VPS37B: variants seen among roughly 807,000 people sequenced by gnomAD.
VPS37B encodes VPS37B subunit of ESCRT-I.
VPS37B carries 11 observed loss-of-function variants against 21.2 expected under a neutral mutation model. That is an observed-to-expected ratio of 0.52 (90% confidence interval 0.33 to 0.86). The LOEUF is 0.86. Among genes scored for constraint, VPS37B ranks in the 40% least tolerant of loss-of-function variants. The pLI is 0.03. For synonymous variants in VPS37B, 175 were observed against 159.6 expected (o/e 1.10, Z -0.73); for missense variants, 389 against 374.8 (o/e 1.04, Z -0.31).
intron 1 of VPS37B, chr12:122,872,094 C>A (rs1368370386): frequency 1.0e-6 from 1 of 985,284 alleles, no homozygotes; most frequent in Non-Finnish European, 1.2e-6. Context: ...ATTTTTGCTG[C>A]GACTTCCTTC....
chr12:122,868,641 T>G lies in VPS37B; in HGVS notation c.284-79A>C. On this transcript the variant is annotated intron_variant, in intron 2 of 3. Coordinates refer to ENST00000267202, the MANE Select transcript of VPS37B (RefSeq NM_024667.3). This position sits in a 1 kb window ranked among gnomAD's most constrained non-coding sequence, Gnocchi z 5.5. ...TTCATGATGCCAACCACGGCAGGATTGCACCTTCCTTTCCAGGAAGCTGAA... is the reference window on the plus strand; with the variant it reads ...TTCATGATGCCAACCACGGCAGGATGGCACCTTCCTTTCCAGGAAGCTGAA... 8.1e-7 allele frequency: 1 copy of G among 1,228,904 alleles called. No homozygotes were observed. Among genetic ancestry groups the G allele is most frequent in the Non-Finnish European group, 1.2e-6 (1 of 856,206 alleles). The allele number at this position is 1,228,904 out of a possible 1,614,324, so 76.1% of individuals were successfully genotyped here.
chr12:122,866,340 T>TA lies in VPS37B; in HGVS notation c.*775dup, dbSNP rs2033899659. 6.6e-6 allele frequency: 1 copy of TA among 152,606 alleles called. No homozygotes were observed. The highest frequency in any genetic ancestry group is 2.1e-4 in the South Asian group (1 of 4,838). 9.5% of individuals were successfully genotyped at this position (152,606 alleles called of 1,614,324 possible). A position where few individuals can be genotyped will look rare whatever the true frequency, so the allele number is the denominator to read the frequency against. ...GAGTGTCAAAAAAGTTTTTTCAATA[T>TA]AAAACAGGAAAATCACACACGTAGT... On this transcript the variant is annotated 3_prime_UTR_variant, in exon 4 of 4. Transcript: ENST00000267202.
intron 1 of VPS37B, chr12:122,885,614 C>A (rs2034309275): frequency 6.6e-6 from 1 of 150,690 alleles, no homozygotes; most frequent in South Asian, 2.1e-4. Flanking sequence ...TGTGATTACA[C>A]TTTTCTTCTT....
At chr12:122,884,797 T>C (rs1272271864) in intron 1 of VPS37B, 2 of 152,148 alleles carry the variant, frequency 1.3e-5, no homozygotes, top group Non-Finnish European at 2.9e-5. Context: ...GTTTGTTTTT[T>C]CCCCCTCATC....
chr12:122,880,817 C>T (rs2034237428), intron 1 of VPS37B: 1 of 152,230 alleles, frequency 6.6e-6, no homozygotes, highest in South Asian at 2.1e-4. Flanking sequence ...ACAAGAAATA[C>T]TTGGGAAGCA....
Position 122,867,987 on chromosome 12 carries a change from A to G in VPS37B, c.367-380T>C, listed in dbSNP as rs2033943767. 6.6e-6 allele frequency among the ~76,000 whole-genome samples: 1 copy of G among 152,204 alleles called. No homozygotes were observed. The highest frequency in any genetic ancestry group is 6.5e-5 in the Admixed American group (1 of 15,292). ...CTCGCCCTGGGTGGGTAAGCAAGACAGAAACACCTGTGCCCCCAGGGCTTC... is the reference window on the plus strand; with the variant it reads ...CTCGCCCTGGGTGGGTAAGCAAGACGGAAACACCTGTGCCCCCAGGGCTTC... On this transcript the variant is annotated intron_variant, in intron 3 of 3. Transcript: ENST00000267202. The surrounding 1 kb of genome is among the most constrained non-coding windows in gnomAD (Gnocchi z 5.5).
intron 1 of VPS37B, chr12:122,877,568 C>T (rs552304492): frequency 6.6e-6 from 1 of 152,282 alleles, no homozygotes; most frequent in African/African-American, 2.4e-5. Context: ...TCTTGTTAAA[C>T]AAGCATTAGG....
At position 122,868,698 on chromosome 12, in the gene VPS37B, A is replaced by C; in HGVS notation, c.284-136T>G. The C allele has an allele frequency of 1.3e-6, 1 of 749,784 alleles. No individual in the cohort carries two copies. The highest frequency in any genetic ancestry group is 2.6e-4 in the Middle Eastern group (1 of 3,832). 46.4% of individuals were successfully genotyped at this position (749,784 alleles called of 1,614,324 possible). A position where few individuals can be genotyped will look rare whatever the true frequency, so the allele number is the denominator to read the frequency against. ...AGGCTTGAAAACCTACAGGGGAACAAGTGCACCAAGCCAGTGCCCAGGGGC... is the reference window on the plus strand; with the variant it reads ...AGGCTTGAAAACCTACAGGGGAACACGTGCACCAAGCCAGTGCCCAGGGGC... On this transcript the variant is annotated intron_variant, in intron 2 of 3. Transcript: ENST00000267202. This position sits in a 1 kb window ranked among gnomAD's most constrained non-coding sequence, Gnocchi z 5.5.
chr12:122,881,515 G>C (rs1034925661), intron 1 of VPS37B: 1 of 152,268 alleles, frequency 6.6e-6, no homozygotes, highest in African/African-American at 2.4e-5. Context: ...CAGGCAGGCA[G>C]ATTGTTTAAG....
chr12:122,868,428 C>G lies in VPS37B; in HGVS notation c.366+52G>C. The stretch of plus-strand genomic sequence containing the variant: ...TCACGGTCCCTGGAGGCAGCGGGCC[C>G]ACGGACTGCCCAAAGCGCCCCAAGG... On this transcript the variant is annotated intron_variant, in intron 3 of 3. Transcript: ENST00000267202. The surrounding 1 kb of genome is among the most constrained non-coding windows in gnomAD (Gnocchi z 5.5). 1 of 1,558,084 alleles carries G rather than the reference C, an allele frequency of 6.4e-7. No homozygotes were observed. The highest frequency in any genetic ancestry group is 8.8e-7 in the Non-Finnish European group (1 of 1,139,724).
intron 2 of VPS37B, 39 bp downstream of exon 2, chr12:122,870,851 C>T (rs767353144): frequency 1.3e-6 from 2 of 1,579,864 alleles, no homozygotes; most frequent in East Asian, 2.3e-5. Context: ...GTCCTTCTCT[C>T]AACTCTTTAT....
At chr12:122,884,366 C>T (rs1414323995) in intron 1 of VPS37B, 2 of 152,206 alleles carry the variant, frequency 1.3e-5, no homozygotes, top group African/African-American at 4.8e-5. Flanking sequence ...AGACCTAATT[C>T]ACCACCAAGT....
At chr12:122,869,487 T>C (rs1251187793) in intron 2 of VPS37B, among the ~76,000 whole-genome samples, 1 of 152,236 alleles carries the variant, frequency 6.6e-6, no homozygotes, top group African/African-American at 2.4e-5. Flanking sequence ...TGCCAGTCTT[T>C]TTACTTTTCG....
chr12:122,866,992 A>T lies in VPS37B; in HGVS notation c.*124T>A. 1 of 1,270,804 alleles carries T rather than the reference A, an allele frequency of 7.9e-7. No individual in the cohort carries two copies. The highest frequency in any genetic ancestry group is 1.5e-5 in the African/African-American group (1 of 66,106). 78.7% of individuals were successfully genotyped at this position (1,270,804 alleles called of 1,614,324 possible). On this transcript the variant is annotated 3_prime_UTR_variant, in exon 4 of 4. Coordinates refer to ENST00000267202, the MANE Select transcript of VPS37B (RefSeq NM_024667.3). ...ACCACTGACCTACAGTTCTAAAATC[A>T]GACAGACACGCTGGCCCAGGGCCCC...
At chr12:122,892,879 G>A (rs2034436974) in intron 1 of VPS37B, among the ~76,000 whole-genome samples, 1 of 152,188 alleles carries the variant, frequency 6.6e-6, no homozygotes, top group South Asian at 2.1e-4. Flanking sequence ...TGGCCAACAT[G>A]CTGAAACTCC....
intron 1 of VPS37B, chr12:122,871,526 G>T: frequency 2.0e-6 from 2 of 986,322 alleles, no homozygotes; most frequent in Non-Finnish European, 2.4e-6. Context: ...AGGCTAAGAG[G>T]TCCAACCAGC....
intron 1 of VPS37B, chr12:122,871,985 C>T (rs1003442821): frequency 1.8e-5 from 18 of 985,456 alleles, no homozygotes; most frequent in Non-Finnish European, 2.2e-5. Context: ...CGATTCCTTA[C>T]CCAGCGTGTG....
chr12:122,895,854 C>A lies in VPS37B; in HGVS notation c.111+98G>T, dbSNP rs1164796698. ...TTCTAGCCCAGTCCCCTCAACACGA[C>A]CGGAGGCGCCGCGGTCGCCTCCGCC... On this transcript the variant is annotated intron_variant, in intron 1 of 3. Transcript: ENST00000267202. 5.4e-6 allele frequency: 6 copies of A among 1,110,834 alleles called. No individual in the cohort carries two copies. The East Asian group carries it at 1.3e-4, about 23-fold the overall frequency. The allele number at this position is 1,110,834 out of a possible 1,614,324, so 68.8% of individuals were successfully genotyped here.
At chr12:122,873,495 T>C (rs2034077870) in intron 1 of VPS37B, 1 of 152,146 alleles carries the variant, frequency 6.6e-6, no homozygotes, top group African/African-American at 2.4e-5. Context: ...ATTTGTTCAA[T>C]AAACATTTAC....
Sources: gnomAD v4.1 joint callset for allele counts (sites outside exome capture counted in the v4.1 genomes callset) on GRCh38, gnomAD v4.1.1 for gene constraint, Gnocchi (gnomAD v3.1) non-coding constraint, MANE v1.5 for transcripts, NCBI Gene and HGNC (gene_info 2026-07-23, HGNC 2026-07-21) for gene names.